The following ACBD6 variants were observed in gnomAD, a reference collection of about 807,000 sequenced individuals.
ACBD6 encodes acyl-CoA-binding domain-containing protein 6.
A neutral mutation model predicts 37.2 loss-of-function variants in ACBD6; 28 were observed. The ratio of observed to expected loss-of-function variants is 0.75; its 90% CI spans 0.56 to 1.03. The LOEUF is 1.03. Among genes scored for constraint, ACBD6 ranks in the 50% least tolerant of loss-of-function variants. The probability of loss-of-function intolerance (pLI) is 0.00; values close to 1 mark genes in which losing one functional copy is unlikely to be tolerated. For missense variants in ACBD6, 340 were observed against 337.4 expected, an observed-to-expected ratio of 1.01 and a Z score of -0.06; for synonymous variants, 113 against 126.8, an observed-to-expected ratio of 0.89 and a Z score of 0.73.
At chr1:180,497,299 T>C (rs74735791) in intron 1 of ACBD6, among the ~76,000 whole-genome samples, 3,325 of 152,262 alleles carry the variant, frequency 0.022, 126 homozygotes, top group African/African-American at 0.075. Context: ...GCCATCCAAC[T>C]TCTGCCTAGG....
At chr1:180,435,350 G>A (rs546460236) in intron 3 of ACBD6, 23 of 415,642 alleles carry the variant, frequency 5.5e-5, no homozygotes, top group Non-Finnish European at 7.2e-5. Context: ...CTGGTTTCAC[G>A]CCATTCTCCT....
downstream of ACBD6, among the ~76,000 whole-genome samples, chr1:180,285,491 C>T (rs1380224104): frequency 4.6e-5 from 7 of 152,094 alleles, no homozygotes; most frequent in African/African-American, 1.7e-4. Context: ...ATTTTCATTA[C>T]TAAATTGTAG....
intron 6 of ACBD6, among the ~76,000 whole-genome samples, chr1:180,346,591 GGACT>G (rs2101886821): frequency 6.6e-6 from 1 of 152,248 alleles, no homozygotes; most frequent in South Asian, 2.1e-4. Flanking sequence ...GTAACTAAGA[GGACT>G]GCAAACTCTA....
At chr1:180,442,058 G>A (rs1321289154) in intron 3 of ACBD6, among the ~76,000 whole-genome samples, 2 of 152,132 alleles carry the variant, frequency 1.3e-5, no homozygotes, top group African/African-American at 4.8e-5. Flanking sequence ...AGAATTACAG[G>A]TTGGTCGTCT....
At chr1:180,425,565 T>G (rs550888171) in intron 4 of ACBD6, among the ~76,000 whole-genome samples, 1 of 152,226 alleles carries the variant, frequency 6.6e-6, no homozygotes, top group East Asian at 1.9e-4. Context: ...GCCTGTTAAA[T>G]GCATAAAAAT....
At chr1:180,352,544 G>T (rs1458683714) in intron 6 of ACBD6, among the ~76,000 whole-genome samples, 2 of 152,142 alleles carry the variant, frequency 1.3e-5, no homozygotes, top group African/African-American at 4.8e-5. Context: ...AAGAATACAA[G>T]TATTATTCTG....
chr1:180,295,545 A>G (rs997630671), intron 7 of ACBD6, among the ~76,000 whole-genome samples: 6 of 151,942 alleles, frequency 3.9e-5, no homozygotes, highest in Non-Finnish European at 8.8e-5. Flanking sequence ...GATTTGTGGC[A>G]ACTCTATATT....
chr1:180,304,979 C>T (rs1650292284), intron 7 of ACBD6, among the ~76,000 whole-genome samples: 1 of 152,078 alleles, frequency 6.6e-6, no homozygotes, highest in Non-Finnish European at 1.5e-5. Context: ...CTTTGACAAA[C>T]CTGACAAAAA....
intron 7 of ACBD6, among the ~76,000 whole-genome samples, chr1:180,291,217 TTA>T (rs201070402): frequency 1.3e-5 from 2 of 152,184 alleles, no homozygotes; most frequent in East Asian, 3.8e-4. Flanking sequence ...TTGTCCTGTT[TTA>T]TGTTTTCACA....
chr1:180,293,643 GAAGTA>G (rs1649803414), intron 7 of ACBD6, among the ~76,000 whole-genome samples: 1 of 152,114 alleles, frequency 6.6e-6, no homozygotes, highest in South Asian at 2.1e-4. Context: ...ATTCACCAGT[GAAGTA>G]ATCAAGGCCT....
intron 5 of ACBD6, among the ~76,000 whole-genome samples, chr1:180,403,208 A>C (rs151221039): frequency 6.6e-6 from 1 of 152,264 alleles, no homozygotes; most frequent in East Asian, 1.9e-4. Flanking sequence ...GTGGCTGGGA[A>C]GGGGCATGAG....
chr1:180,399,415 G>A (rs1382757309), intron 5 of ACBD6, among the ~76,000 whole-genome samples: 2 of 152,058 alleles, frequency 1.3e-5, no homozygotes, highest in African/African-American at 2.4e-5. Flanking sequence ...ACAGGGACCC[G>A]CCACCATGCC....
At chr1:180,390,680 G>A (rs112362558) in intron 6 of ACBD6, among the ~76,000 whole-genome samples, 19,388 of 151,978 alleles carry the variant, frequency 0.13, 1,656 homozygotes, top group South Asian at 0.23. Context: ...TTATTTCATC[G>A]AGCAGTGGTT....
At chr1:180,367,871 T>C (rs1653107817) in intron 6 of ACBD6, among the ~76,000 whole-genome samples, 1 of 152,232 alleles carries the variant, frequency 6.6e-6, no homozygotes, top group Non-Finnish European at 1.5e-5. Context: ...TGTGTCTTTA[T>C]GGTAGAATGA....
intron 3 of ACBD6, among the ~76,000 whole-genome samples, chr1:180,448,797 G>T (rs1268741505): frequency 6.6e-6 from 1 of 152,118 alleles, no homozygotes; most frequent in Non-Finnish European, 1.5e-5. Flanking sequence ...CTTCTAAAGA[G>T]ATGCCAATGC....
chr1:180,277,082 A>G (rs1461870145), intron 9 of ACBD6: 1 of 152,174 alleles, frequency 6.6e-6, no homozygotes, highest in East Asian at 1.9e-4. Flanking sequence ...GAAAACCAGG[A>G]GAGCTTTGTT....
chr1:180,356,360 T>C (rs983278053), intron 6 of ACBD6, among the ~76,000 whole-genome samples: 49 of 151,804 alleles, frequency 3.2e-4, no homozygotes, highest in African/African-American at 1.2e-3. Context: ...TTTGTAGAGA[T>C]GGGGTTTTAC....
intron 6 of ACBD6, among the ~76,000 whole-genome samples, chr1:180,348,697 C>G (rs749632361): frequency 6.6e-5 from 10 of 152,070 alleles, no homozygotes; most frequent in Non-Finnish European, 1.5e-4. Context: ...TAAGCCTGCC[C>G]CTCCATTAAT....
At chr1:180,494,415 TATC>T (rs1251003636) in intron 2 of ACBD6, among the ~76,000 whole-genome samples, 1 of 152,168 alleles carries the variant, frequency 6.6e-6, no homozygotes, top group Non-Finnish European at 1.5e-5. Flanking sequence ...GTTGGCTGGT[TATC>T]ATCAACCAAA....
Sources: gnomAD v4.1 joint callset for allele counts (sites outside exome capture counted in the v4.1 genomes callset) on GRCh38, gnomAD v4.1.1 for gene constraint, MANE v1.5 for transcripts, NCBI Gene and HGNC (gene_info 2026-07-23, HGNC 2026-07-21) for gene names.